LIN28B: variants seen among roughly 807,000 people sequenced by gnomAD.
LIN28B encodes the protein protein lin-28 homolog B.
A neutral mutation model predicts 21.9 loss-of-function variants in LIN28B; 5 were observed. That is an observed-to-expected ratio of 0.23 (90% confidence interval 0.12 to 0.48). The LOEUF (loss-of-function observed/expected upper bound fraction) is 0.48. Among genes scored for constraint, LIN28B ranks in the 20% least tolerant of loss-of-function variants. The pLI is 0.98. For synonymous variants in LIN28B, 109 were observed against 111.3 expected (o/e 0.98, Z 0.13); for missense variants, 245 against 310.5 (o/e 0.79, Z 1.58).
chr6:105,047,956 A>G (rs557097092), intron 3 of LIN28B, among the ~76,000 whole-genome samples: 37 of 152,334 alleles, frequency 2.4e-4, no homozygotes, highest in African/African-American at 8.2e-4. Flanking sequence ...CAATCATGTC[A>G]TCTGCAAACA....
chr6:105,069,592 A>G (rs951092392), intron 3 of LIN28B, among the ~76,000 whole-genome samples: 34 of 151,636 alleles, frequency 2.2e-4, no homozygotes, highest in Admixed American at 2.2e-3. Flanking sequence ...TTAGCCAAGC[A>G]TGTTGGCACA....
At chr6:105,031,780 C>G (rs753271525) in intron 3 of LIN28B, among the ~76,000 whole-genome samples, 36 of 152,042 alleles carry the variant, frequency 2.4e-4, no homozygotes, top group Non-Finnish European at 4.7e-4. Flanking sequence ...CGTGATCCGC[C>G]CGCCTTGGCC....
chr6:105,055,255 G>A (rs557822185), intron 3 of LIN28B, among the ~76,000 whole-genome samples: 31 of 152,084 alleles, frequency 2.0e-4, no homozygotes, highest in Admixed American at 1.5e-3. Context: ...ATTCTGCTTC[G>A]TTCTCTCTTC....
At chr6:105,020,136 A>G (rs1254899079) in intron 2 of LIN28B, among the ~76,000 whole-genome samples, 13 of 127,802 alleles carry the variant, frequency 1.0e-4, no homozygotes, top group African/African-American at 4.1e-4. Flanking sequence ...TTTTTTGAGA[A>G]TGGGTCTTGC....
chr6:104,956,019 A>G (rs933572677), upstream of LIN28B, among the ~76,000 whole-genome samples: 7 of 152,036 alleles, frequency 4.6e-5, no homozygotes, highest in Admixed American at 2.6e-4. Flanking sequence ...CCGTTGTTAC[A>G]TTTTCGTTTA....
chr6:105,034,310 C>T (rs1286933586), intron 3 of LIN28B, among the ~76,000 whole-genome samples: 1 of 151,828 alleles, frequency 6.6e-6, no homozygotes, highest in East Asian at 1.9e-4. Context: ...TTAAAAATAA[C>T]TTAGAAAATA....
At chr6:104,970,221 A>G (rs1190575103) in intron 2 of LIN28B, among the ~76,000 whole-genome samples, 1 of 152,174 alleles carries the variant, frequency 6.6e-6, no homozygotes, top group Non-Finnish European at 1.5e-5. Context: ...CAGTCTTCGC[A>G]TTTTTGATGT....
intron 3 of LIN28B, among the ~76,000 whole-genome samples, chr6:105,042,442 T>C (rs1164230010): frequency 6.6e-6 from 1 of 152,220 alleles, no homozygotes; most frequent in Non-Finnish European, 1.5e-5. Flanking sequence ...GTTATTTGTT[T>C]ATATGTTTCT....
In LIN28B at chr6:105,083,012, ATGG is replaced by A. The variant is rs1772568147; in HGVS notation, c.*4232_*4234del. 1.3e-5 allele frequency: 2 copies of A among 152,740 alleles called. No individual in the cohort carries two copies. Among genetic ancestry groups the A allele is most frequent in the South Asian group, 4.1e-4 (2 of 4,824 alleles). 9.5% of individuals were successfully genotyped at this position (152,740 alleles called of 1,614,324 possible). On this transcript the variant is annotated 3_prime_UTR_variant, in exon 4 of 4. Coordinates refer to ENST00000345080, the MANE Select transcript of LIN28B (RefSeq NM_001004317.4). ...CCCTGATTTTTATATGTCTTTAATA[ATGG>A]TGTTTTATCTAGTGTTTTTAAATTA...
chr6:104,956,323 G>A (rs12194974), upstream of LIN28B, among the ~76,000 whole-genome samples: 13,589 of 152,090 alleles, frequency 0.089, 765 homozygotes, highest in Non-Finnish European at 0.13. Context: ...GGAAAACTGG[G>A]CTGTTATTTA....
At chr6:105,021,916 C>T (rs1771149467) in intron 2 of LIN28B, among the ~76,000 whole-genome samples, 1 of 151,838 alleles carries the variant, frequency 6.6e-6, no homozygotes. Context: ...ACATCCCCGA[C>T]TGGAATAAGA....
intron 2 of LIN28B, among the ~76,000 whole-genome samples, chr6:105,003,653 C>T (rs1480199412): frequency 1.3e-5 from 2 of 151,954 alleles, no homozygotes; most frequent in African/African-American, 4.8e-5. Context: ...GCTGGGACTA[C>T]AGGGGTGCGC....
intron 3 of LIN28B, among the ~76,000 whole-genome samples, chr6:105,029,209 G>A (rs554314166): frequency 6.6e-6 from 1 of 152,324 alleles, no homozygotes; most frequent in Non-Finnish European, 1.5e-5. Flanking sequence ...CTTTTGAGAA[G>A]TGTTTCTATA....
intron 2 of LIN28B, among the ~76,000 whole-genome samples, chr6:105,018,115 G>A (rs138606406): frequency 1.6e-3 from 245 of 151,772 alleles, no homozygotes; most frequent in African/African-American, 5.4e-3. Flanking sequence ...GTGAGACTCC[G>A]TCTCTACAAA....
chr6:105,028,958 G>A (rs973803654), intron 3 of LIN28B, among the ~76,000 whole-genome samples: 1 of 152,152 alleles, frequency 6.6e-6, no homozygotes, highest in African/African-American at 2.4e-5. Context: ...AAATAGGAGG[G>A]AAAGTCAGGG....
intron 2 of LIN28B, among the ~76,000 whole-genome samples, chr6:104,971,672 CA>C: frequency 6.6e-6 from 1 of 152,122 alleles, no homozygotes; most frequent in Non-Finnish European, 1.5e-5. Context: ...CTTTCATTGA[CA>C]TTAAAATTTA....
intron 2 of LIN28B, among the ~76,000 whole-genome samples, chr6:104,998,086 T>G (rs1770649471): frequency 6.6e-6 from 1 of 152,220 alleles, no homozygotes; most frequent in Non-Finnish European, 1.5e-5. Context: ...TAGAATAGTT[T>G]TAGCTAAAAT....
chr6:105,013,626 A>G (rs1437274404), intron 2 of LIN28B, among the ~76,000 whole-genome samples: 1 of 151,356 alleles, frequency 6.6e-6, no homozygotes, highest in Non-Finnish European at 1.5e-5. Context: ...GCTACTCGAG[A>G]GATTGAGGTG....
intron 2 of LIN28B, among the ~76,000 whole-genome samples, chr6:105,014,476 C>A (rs139025905): frequency 6.6e-6 from 1 of 152,118 alleles, no homozygotes. Context: ...CCCACCACCA[C>A]GCCTGGCTAA....
Sources: allele counts gnomAD v4.1 joint callset (sites outside exome capture counted in the v4.1 genomes callset), GRCh38; gene constraint gnomAD v4.1.1; transcripts MANE v1.5; gene names NCBI Gene and HGNC (gene_info 2026-07-23, HGNC 2026-07-21).